Variants in IL1RAPL2 observed in about 807,000 individuals in gnomAD.
The protein encoded by IL1RAPL2 is interleukin 1 receptor accessory protein like 2, also known as X-linked interleukin-1 receptor accessory protein-like 2.
A neutral mutation model predicts 44.1 loss-of-function variants in IL1RAPL2; 3 were observed. The observed-to-expected ratio is 0.07, with a 90% confidence interval of 0.03 to 0.18. IL1RAPL2 has a LOEUF of 0.18. Among genes scored for constraint, IL1RAPL2 ranks in the 10% least tolerant of loss-of-function variants. The probability of loss-of-function intolerance (pLI) is 1.00; values close to 1 mark genes in which losing one functional copy is unlikely to be tolerated. For synonymous variants in IL1RAPL2, 181 were observed against 178.8 expected, an observed-to-expected ratio of 1.01 and a Z score of -0.10; for missense variants, 391 against 496.4, an observed-to-expected ratio of 0.79 and a Z score of 2.02.
At chrX:105,314,441 G>C (rs111559304) in intron 5 of IL1RAPL2, among the ~76,000 whole-genome samples, 6,943 of 111,292 alleles carry the variant, frequency 0.062, 507 homozygotes, top group African/African-American at 0.22. Flanking sequence ...TGTAGCTGCG[G>C]ACAATCAAGC....
chrX:104,973,383 C>G (rs955048200), intron 2 of IL1RAPL2, among the ~76,000 whole-genome samples: 6 of 111,441 alleles, frequency 5.4e-5, no homozygotes, highest in African/African-American at 2.0e-4. Flanking sequence ...AAACTAAAAG[C>G]CAAAAATGAG....
chrX:104,839,413 C>G (rs773996326), intron 2 of IL1RAPL2, among the ~76,000 whole-genome samples: 1 of 111,744 alleles, frequency 8.9e-6, no homozygotes, highest in Non-Finnish European at 1.9e-5. Context: ...ATTGAACCAG[C>G]CTTGCATCCC....
intron 6 of IL1RAPL2, among the ~76,000 whole-genome samples, chrX:105,527,434 T>TG (rs1388425739): frequency 5.0e-5 from 4 of 80,300 alleles, no homozygotes; most frequent in South Asian, 6.6e-4. Context: ...TGTGAGAGTG[T>TG]GTTGTGTGTG....
At chrX:105,069,515 T>C (rs2032180069) in intron 2 of IL1RAPL2, among the ~76,000 whole-genome samples, 1 of 112,224 alleles carries the variant, frequency 8.9e-6, no homozygotes, top group Non-Finnish European at 1.9e-5. Context: ...GAAAAAGAAA[T>C]GGGAACATTA....
intron 2 of IL1RAPL2, among the ~76,000 whole-genome samples, chrX:104,884,565 G>T: frequency 1.1e-5 from 1 of 94,248 alleles, no homozygotes. Flanking sequence ...CGCAAACCCT[G>T]AAAAAGAGGT....
chrX:105,507,483 C>A (rs906457601), intron 6 of IL1RAPL2, among the ~76,000 whole-genome samples: 2 of 111,442 alleles, frequency 1.8e-5, no homozygotes, highest in Non-Finnish European at 3.8e-5. Context: ...TTCCCCCTCC[C>A]ATCATACACG....
At chrX:105,464,066 A>G (rs2036111978) in intron 5 of IL1RAPL2, among the ~76,000 whole-genome samples, 1 of 112,216 alleles carries the variant, frequency 8.9e-6, no homozygotes, top group Non-Finnish European at 1.9e-5. Context: ...ATATTCTCTC[A>G]TAATCTTCTG....
intron 2 of IL1RAPL2, among the ~76,000 whole-genome samples, chrX:105,060,027 A>AACTCTTCTC (rs2032051828): frequency 8.9e-6 from 1 of 111,938 alleles, no homozygotes; most frequent in Non-Finnish European, 1.9e-5. Context: ...GGAACTGCCA[A>AACTCTTCTC]ACTCTTCTCC....
intron 6 of IL1RAPL2, among the ~76,000 whole-genome samples, chrX:105,509,592 A>G (rs905449301): frequency 2.7e-5 from 3 of 111,818 alleles, no homozygotes; most frequent in Non-Finnish European, 5.7e-5. Context: ...GGTCCTTCCC[A>G]TAGTGAGCAT....
At chrX:105,375,490 G>A (rs997336034) in intron 5 of IL1RAPL2, among the ~76,000 whole-genome samples, 1 of 111,696 alleles carries the variant, frequency 9.0e-6, no homozygotes, top group Non-Finnish European at 1.9e-5. Flanking sequence ...CAGCATGGGC[G>A]ACAGAGCGAG....
At chrX:104,880,729 C>A (rs754578442) in intron 2 of IL1RAPL2, among the ~76,000 whole-genome samples, 4 of 112,326 alleles carry the variant, frequency 3.6e-5, no homozygotes, top group Non-Finnish European at 7.5e-5. Context: ...ATCACGCAAA[C>A]TGTTCGAAGT....
At chrX:104,818,078 C>T (rs892099106) in intron 2 of IL1RAPL2, among the ~76,000 whole-genome samples, 1 of 110,175 alleles carries the variant, frequency 9.1e-6, no homozygotes, top group African/African-American at 3.3e-5. Flanking sequence ...CAGTTTTGGC[C>T]GTGCGCGGTG....
chrX:105,206,125 C>T (rs1350829820), intron 3 of IL1RAPL2, among the ~76,000 whole-genome samples: 3 of 110,991 alleles, frequency 2.7e-5, no homozygotes, highest in African/African-American at 9.9e-5. Flanking sequence ...AGAGAGAAGA[C>T]CTGGAGATGA....
chrX:105,113,851 T>C (rs1444968989), intron 2 of IL1RAPL2, among the ~76,000 whole-genome samples: 1 of 112,092 alleles, frequency 8.9e-6, no homozygotes, highest in Non-Finnish European at 1.9e-5. Flanking sequence ...TGATTATCTA[T>C]GATAATTGTG....
chrX:105,732,581 GT>G (rs1236597617), intron 7 of IL1RAPL2, among the ~76,000 whole-genome samples: 2 of 111,421 alleles, frequency 1.8e-5, no homozygotes, highest in African/African-American at 3.3e-5. Context: ...TGTACAGCCT[GT>G]GGAACGGTGA....
intron 2 of IL1RAPL2, among the ~76,000 whole-genome samples, chrX:105,157,299 C>T (rs1299731650): frequency 9.1e-6 from 1 of 110,321 alleles, no homozygotes; most frequent in African/African-American, 3.3e-5. Flanking sequence ...CTCTCTCTCT[C>T]TCTCCTTTTC....
intron 6 of IL1RAPL2, among the ~76,000 whole-genome samples, chrX:105,539,078 T>C (rs1372103362): frequency 9.0e-6 from 1 of 111,141 alleles, no homozygotes; most frequent in African/African-American, 3.3e-5. Flanking sequence ...GCTCATGGAC[T>C]GGAAGAATCA....
In IL1RAPL2 at chrX:105,382,886, G is replaced by A. The variant is rs1361025135; in HGVS notation, c.698-101427G>A. On this transcript the variant is annotated intron_variant, in intron 5 of 10. Coordinates refer to ENST00000372582, the MANE Select transcript of IL1RAPL2 (RefSeq NM_017416.2). ...TCGTAAGAACAAAAAACCAAACACC[G>A]CATGTTCTCACTCATAGGTGGGAAT... Among the ~76,000 whole-genome samples the A allele has an allele frequency of 4.9e-5, 5 of 101,155 alleles. No homozygotes were observed. The East Asian group carries it at 9.8e-4, about 20-fold the overall frequency. 87.8% of individuals were successfully genotyped at this position (101,155 alleles called of 115,157 possible).
chrX:104,806,341 T>C (rs1932922427), intron 2 of IL1RAPL2, among the ~76,000 whole-genome samples: 1 of 112,444 alleles, frequency 8.9e-6, no homozygotes, highest in African/African-American at 3.2e-5. Context: ...ACTTAGTTCC[T>C]GATGCAATTG....
Sources: allele counts gnomAD v4.1 joint callset (sites outside exome capture counted in the v4.1 genomes callset), GRCh38; gene constraint gnomAD v4.1.1; transcripts MANE v1.5; gene names NCBI Gene and HGNC (gene_info 2026-07-23, HGNC 2026-07-21).